Variants in ADAM32 observed in about 807,000 individuals in gnomAD.
The protein encoded by ADAM32 is ADAM metallopeptidase domain 32, also known as disintegrin and metalloproteinase domain-containing protein 32.
A neutral mutation model predicts 114.9 loss-of-function variants in ADAM32; 89 were observed. The observed-to-expected ratio is 0.77, with a 90% CI of 0.65 to 0.92. ADAM32 has a LOEUF of 0.92. Among genes scored for constraint, ADAM32 ranks in the 40% least tolerant of loss-of-function variants. The pLI is 0.00. For synonymous variants in ADAM32, 285 were observed against 307.5 expected (o/e 0.93, Z 0.77); for missense variants, 870 against 932.8 (o/e 0.93, Z 0.88).
chr8:39,156,417 G>A (rs985371166), intron 6 of ADAM32, among the ~76,000 whole-genome samples: 5 of 152,200 alleles, frequency 3.3e-5, no homozygotes, highest in African/African-American at 1.2e-4. Context: ...AGTGCCAGGA[G>A]TATAAGTGTA....
intron 5 of ADAM32, 74 bp from the exon 6 acceptor site, chr8:39,151,301 TTC>T: frequency 7.9e-7 from 1 of 1,269,884 alleles, no homozygotes. Flanking sequence ...TTATTTTTTT[TTC>T]TTTTGGATTT....
intron 2 of ADAM32, chr8:39,129,955 CTTTTTTT>C: frequency 4.1e-6 from 1 of 243,882 alleles, no homozygotes; most frequent in Non-Finnish European, 8.0e-6. Flanking sequence ...ATCACATTTC[CTTTTTTT>C]TTTTTTTTTC....
At chr8:39,107,617 T>C (rs1437533628), upstream of ADAM32, 32 of 1,462,444 alleles carry the variant, frequency 2.2e-5, no homozygotes, top group South Asian at 3.9e-4. Flanking sequence ...CCCTTCGTGT[T>C]CCGGACGCTA....
intron 11 of ADAM32, among the ~76,000 whole-genome samples, chr8:39,192,124 A>G (rs1806651904): frequency 2.0e-5 from 3 of 152,130 alleles, no homozygotes; most frequent in Non-Finnish European, 2.9e-5. Context: ...AGGAGATTGT[A>G]TGTGTCCCAG....
intron 14 of ADAM32, among the ~76,000 whole-genome samples, chr8:39,227,426 G>A (rs367918123): frequency 2.3e-4 from 35 of 152,130 alleles, no homozygotes; most frequent in South Asian, 8.3e-4. Context: ...TCTGGAGGAC[G>A]GCCAGAGGAG....
chr8:39,264,292 G>A (rs571892289), intron 19 of ADAM32, among the ~76,000 whole-genome samples: 104 of 152,142 alleles, frequency 6.8e-4, no homozygotes, highest in Non-Finnish European at 1.3e-3. Flanking sequence ...ATGGTAGGTT[G>A]TGTGTTTCTA....
At chr8:39,218,284 C>T (rs1185901852) in intron 12 of ADAM32, among the ~76,000 whole-genome samples, 1 of 152,076 alleles carries the variant, frequency 6.6e-6, no homozygotes, top group East Asian at 1.9e-4. Flanking sequence ...TTCCTGTGGC[C>T]ACCACCACTT....
chr8:39,207,237 A>G (rs1157538377), intron 11 of ADAM32, among the ~76,000 whole-genome samples: 1 of 152,070 alleles, frequency 6.6e-6, no homozygotes, highest in Non-Finnish European at 1.5e-5. Flanking sequence ...TAGAACCTCT[A>G]TTTAATGCCT....
rs138070233 is a variant in ADAM32, at chr8:39,281,194, T to C, written c.2318+20T>C. The C allele has an allele frequency of 7.5e-7, 1 of 1,326,500 alleles. No homozygotes were observed. The highest frequency in any genetic ancestry group is 1.5e-5 in the African/African-American group (1 of 65,832). The allele number at this position is 1,326,500 out of a possible 1,614,324, so 82.2% of individuals were successfully genotyped here. A position where few individuals can be genotyped will look rare whatever the true frequency, so the allele number is the denominator to read the frequency against. On this transcript the variant is annotated intron_variant, in intron 23 of 24. Transcript: ENST00000379907. The stretch of plus-strand genomic sequence containing the variant: ...TAGCAGGTAAGCAGGATAGAAAGTG[T>C]TACTTATAAATAAGTATGTTGAAAA...
At chr8:39,273,231 C>T (rs1812842706) in intron 20 of ADAM32, among the ~76,000 whole-genome samples, 1 of 151,986 alleles carries the variant, frequency 6.6e-6, no homozygotes. Flanking sequence ...ATAGGCCTGG[C>T]GCGGTGGCTC....
chr8:39,213,829 C>T (rs1585556505), intron 12 of ADAM32, among the ~76,000 whole-genome samples: 1 of 152,198 alleles, frequency 6.6e-6, no homozygotes, highest in African/African-American at 2.4e-5. Context: ...GTCCCCTCCC[C>T]ACCTGCCCAA....
At chr8:39,109,880 C>T (rs1020253398) in intron 1 of ADAM32, among the ~76,000 whole-genome samples, 8 of 152,186 alleles carry the variant, frequency 5.3e-5, no homozygotes, top group African/African-American at 1.9e-4. Flanking sequence ...CCCATGTGTT[C>T]TGCTTATTTA....
Position 39,211,222 on chromosome 8 carries a change from A to T in ADAM32, c.1131A>T (p.Lys377Asn). Residue 377 changes from lysine (K) to asparagine (N), a missense_variant, in exon 12 of 25, where the codon AAA (lysine) becomes AAT (asparagine). Lys to Asn is a moderately conservative substitution (Grantham distance 94). Transcript: ENST00000379907. ...FQNFISNVGV[K>N]CLQNKPQMQK... ...ATTTCATTTCAAATGTGGGTGTCAA[A>T]TGTCTTCAGAATAAGCCACAAATGC... 6.2e-7 allele frequency: 1 copy of T among 1,608,330 alleles called. No individual in the cohort carries two copies. Among genetic ancestry groups the T allele is most frequent in the South Asian group, 1.1e-5 (1 of 89,878 alleles).
intron 7 of ADAM32, among the ~76,000 whole-genome samples, 160 bp from the exon 8 acceptor site, chr8:39,164,604 A>C (rs562480273): frequency 6.6e-6 from 1 of 152,200 alleles, no homozygotes; most frequent in South Asian, 2.1e-4. Context: ...TCAGCAATGC[A>C]TGAGGGATCC....
intron 6 of ADAM32, among the ~76,000 whole-genome samples, chr8:39,155,392 G>C (rs1199212758): frequency 6.6e-6 from 1 of 152,196 alleles, no homozygotes; most frequent in African/African-American, 2.4e-5. Context: ...TGGCAATAAT[G>C]GTAGTAACAG....
At chr8:39,252,513 T>A (rs1260987026) in intron 17 of ADAM32, among the ~76,000 whole-genome samples, 2 of 151,354 alleles carry the variant, frequency 1.3e-5, no homozygotes, top group Non-Finnish European at 3.0e-5. Context: ...ACATTCTAAC[T>A]TTACACCTCA....
intron 12 of ADAM32, among the ~76,000 whole-genome samples, chr8:39,213,845 C>T (rs1049049845): frequency 1.3e-5 from 2 of 152,126 alleles, no homozygotes; most frequent in Non-Finnish European, 2.9e-5. Context: ...CCCAACTACC[C>T]TTCCCAGCCT....
At chr8:39,190,094 A>ATCTTTATG (rs1806509987) in intron 11 of ADAM32, among the ~76,000 whole-genome samples, 1 of 152,180 alleles carries the variant, frequency 6.6e-6, no homozygotes, top group Non-Finnish European at 1.5e-5. Flanking sequence ...TCTACTCTAT[A>ATCTTTATG]TCTTTATGAG....
intron 12 of ADAM32, among the ~76,000 whole-genome samples, chr8:39,218,378 A>G (rs987389300): frequency 5.9e-5 from 9 of 152,042 alleles, no homozygotes; most frequent in Admixed American, 2.0e-4. Flanking sequence ...ACTACTGACT[A>G]TGTTCACTCA....
Sources: allele counts gnomAD v4.1 joint callset (sites outside exome capture counted in the v4.1 genomes callset), GRCh38; gene constraint gnomAD v4.1.1; transcripts MANE v1.5; gene names NCBI Gene and HGNC (gene_info 2026-07-23, HGNC 2026-07-21).